FAM184A: variants seen among roughly 807,000 people sequenced by gnomAD.
FAM184A encodes the protein family with sequence similarity 184 member A.
In FAM184A, 99 loss-of-function variants were observed where a neutral mutation model predicts 143.8. That is an observed-to-expected ratio of 0.69 (90% confidence interval 0.58 to 0.81). The LOEUF (loss-of-function observed/expected upper bound fraction) is 0.81, where lower values mean the gene tolerates loss of function less well. Ranked by LOEUF, FAM184A falls within the 40% of genes least tolerant of loss-of-function variation. FAM184A has a pLI of 0.00. For synonymous variants in FAM184A, 427 were observed against 446.4 expected (o/e 0.96, Z 0.55); for missense variants, 1,217 against 1,310.5 (o/e 0.93, Z 1.10).
intron 12 of FAM184A, 94 bp downstream of exon 12, chr6:118,975,823 A>G (rs1783828052): frequency 1.7e-6 from 2 of 1,208,724 alleles, no homozygotes; most frequent in Admixed American, 4.6e-5. Flanking sequence ...TAACTAGTGA[A>G]AATAAGTTAT....
At chr6:119,083,984 G>C (rs902654463) in intron 1 of FAM184A, among the ~76,000 whole-genome samples, 14 of 152,114 alleles carry the variant, frequency 9.2e-5, no homozygotes, top group African/African-American at 3.4e-4. Context: ...AGGTTTAATT[G>C]ACTCACAGTT....
intron 1 of FAM184A, among the ~76,000 whole-genome samples, chr6:119,066,058 A>C (rs986585185): frequency 3.9e-5 from 6 of 152,222 alleles, no homozygotes; most frequent in African/African-American, 1.4e-4. Context: ...CAGGGAAGGA[A>C]GAGAGGACAC....
intron 1 of FAM184A, among the ~76,000 whole-genome samples, chr6:119,066,496 AT>A (rs1393054442): frequency 2.0e-4 from 30 of 152,182 alleles, no homozygotes; most frequent in Admixed American, 2.0e-3. Context: ...GAACGTGAAC[AT>A]CTTTGAGGGT....
At chr6:119,138,593 CTTA>C (rs141615745) in intron 1 of FAM184A, among the ~76,000 whole-genome samples, 311 of 148,166 alleles carry the variant, frequency 2.1e-3, no homozygotes, top group Non-Finnish European at 3.4e-3. Context: ...CGCTCTTTCA[CTTA>C]TTATTATTAT....
At chr6:119,049,175 C>T (rs754193237) in intron 1 of FAM184A, among the ~76,000 whole-genome samples, 5 of 152,156 alleles carry the variant, frequency 3.3e-5, no homozygotes, top group African/African-American at 4.8e-5. Context: ...ACGCCAGGCG[C>T]GGTGGCTCAC....
intron 1 of FAM184A, among the ~76,000 whole-genome samples, chr6:119,048,441 TC>T (rs1356806657): frequency 6.6e-6 from 1 of 152,106 alleles, no homozygotes; most frequent in East Asian, 1.9e-4. Flanking sequence ...AGTCAAACTA[TC>T]CCTGTTTGCA....
chr6:119,066,338 T>C (rs1582577748), intron 1 of FAM184A, among the ~76,000 whole-genome samples: 1 of 152,192 alleles, frequency 6.6e-6, no homozygotes, highest in African/African-American at 2.4e-5. Context: ...CCTGTGTTCC[T>C]TGGCTCCCTC....
intron 16 of FAM184A, chr6:118,963,255 C>T (rs916924504): frequency 3.3e-5 from 5 of 151,938 alleles, no homozygotes; most frequent in Non-Finnish European, 7.4e-5. Context: ...TAAAGTTCTA[C>T]AGTAATCATT....
Position 119,078,315 on chromosome 6 carries a change from C to G in FAM184A, c.-16G>C. 7.0e-7 allele frequency: 1 copy of G among 1,434,838 alleles called. No homozygotes were observed. Among genetic ancestry groups the G allele is most frequent in the Non-Finnish European group, 9.1e-7 (1 of 1,098,066 alleles). The allele number at this position is 1,434,838 out of a possible 1,614,324, so 88.9% of individuals were successfully genotyped here. A position where few individuals can be genotyped will look rare whatever the true frequency, so the allele number is the denominator to read the frequency against. ...GGGTCGCCATCTTCCCAACAGACCC[C>G]AGCCGGGGCACCTGTCCCCGCGGGT... On this transcript the variant is annotated 5_prime_UTR_variant, in exon 1 of 18. Transcript: ENST00000338891. The surrounding 1 kb of genome is among the most constrained non-coding windows in gnomAD (Gnocchi z 5.5).
In FAM184A at chr6:119,071,589, T is replaced by C. The variant is rs186791322; in HGVS notation, c.159+6552A>G. ...GAGACACAGGTTGGTTTCACCCTTA[T>C]CAAAAATTTGATTCAGATGGTAAGT... On this transcript the variant is annotated intron_variant, in intron 1 of 17. Transcript: ENST00000338891. Among the ~76,000 whole-genome samples, 40 of 152,290 alleles carry C rather than the reference T, an allele frequency of 2.6e-4. No individual in the cohort carries two copies. The Middle Eastern group carries it at 0.01, about 39-fold the overall frequency.
Position 118,960,911 on chromosome 6 carries a change from G to A in FAM184A, c.3342-727C>T, listed in dbSNP as rs372513998. The A allele has an allele frequency of 6.9e-5, 72 of 1,039,632 alleles. No homozygotes were observed. The African/African-American group carries it at 1.1e-3, about 16-fold the overall frequency. The allele number at this position is 1,039,632 out of a possible 1,614,324, so 64.4% of individuals were successfully genotyped here. On this transcript the variant is annotated intron_variant, in intron 17 of 17. Transcript: ENST00000338891. ...GAAAATAAGCAACACAAAATATTTA[G>A]CAGGAGACAAATTCAGAGGTGTATC... is the stretch of plus-strand genomic sequence containing the variant.
Position 119,075,920 on chromosome 6 carries a change from T to C in FAM184A, c.159+2221A>G, listed in dbSNP as rs537625140. Reference sequence around the variant, plus strand: ...TATGTTTGTAGAAACAGAAAGATGTTGGCTCCAACAGAGTCCTATTATCAA... The same window carrying C: ...TATGTTTGTAGAAACAGAAAGATGTCGGCTCCAACAGAGTCCTATTATCAA... On this transcript the variant is annotated intron_variant, in intron 1 of 17. Transcript: ENST00000338891. 4.7e-4 allele frequency among the ~76,000 whole-genome samples: 72 copies of C among 152,340 alleles called. 1 individual carries two copies. The highest frequency in any genetic ancestry group is 1.7e-3 in the African/African-American group (71 of 41,584).
At chr6:118,991,892 A>G (rs1287206641) in intron 9 of FAM184A, among the ~76,000 whole-genome samples, 3 of 149,330 alleles carry the variant, frequency 2.0e-5, no homozygotes, top group African/African-American at 7.4e-5. Flanking sequence ...CCTCCCAAGT[A>G]GCTGGGACTA....
intron 1 of FAM184A, among the ~76,000 whole-genome samples, chr6:119,108,491 G>A (rs1246692371): frequency 6.6e-6 from 1 of 151,256 alleles, no homozygotes; most frequent in African/African-American, 2.4e-5. Context: ...TTTTTTCTTT[G>A]CCTCTGCCGA....
rs376913956 is a variant in FAM184A at position 119,146,666 on chromosome 6, C to T, written c.-202+2412G>A. 6.6e-5 allele frequency among the ~76,000 whole-genome samples: 10 copies of T among 152,116 alleles called. No individual in the cohort carries two copies. In the East Asian group the frequency reaches 9.7e-4, roughly 15 times the overall value. ...GTCAGTTTTGCTATAACTAGGGTTT[C>T]GGTGTCACCAATTGGCTCATATGAA... On this transcript the variant is annotated intron_variant, in intron 1 of 16. Transcript: ENST00000352896.
intron 1 of FAM184A, among the ~76,000 whole-genome samples, chr6:119,057,342 TA>T (rs777390588): frequency 5.3e-5 from 8 of 152,232 alleles, no homozygotes; most frequent in Non-Finnish European, 1.0e-4. Flanking sequence ...GCTTACAATA[TA>T]AAAGTCTTTC....
chr6:119,034,059 G>T (rs867387824), intron 1 of FAM184A, among the ~76,000 whole-genome samples: 88 of 130,274 alleles, frequency 6.8e-4, no homozygotes, highest in Non-Finnish European at 1.2e-3. Context: ...GAGAGAGAGA[G>T]AGAGAGAGAG....
chr6:118,970,008 A>ATATATATATATATATAAATATTTTT, intron 14 of FAM184A, among the ~76,000 whole-genome samples: 1 of 19,046 alleles, frequency 5.3e-5, no homozygotes, highest in Non-Finnish European at 1.1e-4. Flanking sequence ...ATATATATAT[A>ATATATATATATATATAAATATTTTT]TTTTTTTTTT....
chr6:119,064,174 A>G (rs372346808), intron 1 of FAM184A, among the ~76,000 whole-genome samples: 358 of 152,260 alleles, frequency 2.4e-3, no homozygotes, highest in African/African-American at 8.2e-3. Flanking sequence ...CTCTTAATCT[A>G]TTAGCTCCAT....
Sources: gnomAD v4.1 joint callset for allele counts (sites outside exome capture counted in the v4.1 genomes callset) on GRCh38, gnomAD v4.1.1 for gene constraint, Gnocchi (gnomAD v3.1) non-coding constraint, MANE v1.5 for transcripts, NCBI Gene and HGNC (gene_info 2026-07-23, HGNC 2026-07-21) for gene names.